IGDCC3: variants seen among roughly 807,000 people sequenced by gnomAD.
IGDCC3 encodes putative neuronal cell adhesion molecule.
Under a neutral mutation model 72.0 loss-of-function variants are expected in IGDCC3, and 47 were observed. The observed-to-expected ratio is 0.65, with a 90% CI of 0.52 to 0.83. The LOEUF (loss-of-function observed/expected upper bound fraction) is 0.83, where lower values mean the gene tolerates loss of function less well. IGDCC3 is among the 40% of genes least tolerant of loss of function. IGDCC3 has a pLI of 0.00. For missense variants in IGDCC3, 1,038 were observed against 1,091.3 expected (o/e 0.95, Z 0.69); for synonymous variants, 477 against 472.8 (o/e 1.01, Z -0.11).
chr15:65,329,569 G>C lies in IGDCC3; in HGVS notation c.2026C>G (p.Gln676Glu), dbSNP rs1567059329. 1.2e-6 allele frequency: 2 copies of C among 1,612,018 alleles called. No homozygotes were observed. Among genetic ancestry groups the C allele is most frequent in the Non-Finnish European group, 1.7e-6 (2 of 1,179,522 alleles). Residue 676 changes from glutamine (Q) to glutamate (E), a missense_variant, in exon 13 of 14, where the codon CAG becomes GAG. Gln to Glu is a conservative substitution (Grantham distance 29, BLOSUM62 2). Transcript: ENST00000327987. The surrounding 1 kb of genome is among the most constrained non-coding windows in gnomAD (Gnocchi z 4.1). The stretch of plus-strand genomic sequence containing the variant: ...CGGGGACCCTGTGGAGGGGACAGCT[G>C]GTTTTCCACATCTTTACACAGGAGG... ...RVLLCKDVEN[Q>E]LSPPQGPRSQ... is the part of the protein sequence containing the mutation.
rs745846106 is a variant in IGDCC3, at chr15:65,329,104, G to A, written c.2250C>T (p.Ser750=). Residue 750 remains serine, a synonymous_variant, in exon 14 of 14, where the codon TCC becomes TCT. Coordinates refer to ENST00000327987, the MANE Select transcript of IGDCC3 (RefSeq NM_004884.4). The surrounding 1 kb of genome is among the most constrained non-coding windows in gnomAD (Gnocchi z 4.1). Reference sequence around the variant, plus strand: ...GGCCGCACCCCTGAAGTGGCAGCACGGAGAGCTGGGTCTCCTCACACGGAG... The same window carrying A: ...GGCCGCACCCCTGAAGTGGCAGCACAGAGAGCTGGGTCTCCTCACACGGAG... ...APAPCEETQL[S]VLPLQGCGLM... is the part of the protein sequence containing the mutation. 8 of 1,610,126 alleles carry A rather than the reference G, an allele frequency of 5.0e-6. No individual in the cohort carries two copies. Among genetic ancestry groups the A allele is most frequent in the Admixed American group, 3.4e-5 (2 of 59,318 alleles).
At chr15:65,346,322 A>AGG (rs2091123516) in intron 2 of IGDCC3, among the ~76,000 whole-genome samples, 1 of 152,246 alleles carries the variant, frequency 6.6e-6, no homozygotes, top group African/African-American at 2.4e-5. Flanking sequence ...GTGGGCCTGC[A>AGG]GGTCTATGCC....
chr15:65,361,423 A>G (rs2091260377), intron 2 of IGDCC3, among the ~76,000 whole-genome samples: 2 of 151,588 alleles, frequency 1.3e-5, no homozygotes, highest in East Asian at 1.9e-4. Context: ...ACCAGGATCA[A>G]CCAGGATGAC....
At chr15:65,371,572 T>C (rs2091325961) in intron 2 of IGDCC3, among the ~76,000 whole-genome samples, 1 of 152,226 alleles carries the variant, frequency 6.6e-6, no homozygotes, top group South Asian at 2.1e-4. Flanking sequence ...GAATTATGAA[T>C]TCAAAATCTC....
chr15:65,337,752 G>A (rs917940022), intron 2 of IGDCC3, among the ~76,000 whole-genome samples: 3 of 152,130 alleles, frequency 2.0e-5, no homozygotes, highest in African/African-American at 7.2e-5. Flanking sequence ...AGTGGAGAGG[G>A]CACCCAGGCT....
chr15:65,376,934 G>T (rs932619619), intron 1 of IGDCC3, among the ~76,000 whole-genome samples: 17 of 152,114 alleles, frequency 1.1e-4, no homozygotes, highest in African/African-American at 3.9e-4. Flanking sequence ...GGTGGTGACC[G>T]AGCTCCAGGC....
chr15:65,365,558 G>A (rs780524307), intron 2 of IGDCC3, among the ~76,000 whole-genome samples: 3 of 152,108 alleles, frequency 2.0e-5, no homozygotes, highest in Non-Finnish European at 2.9e-5. Context: ...TGGGCCCAGG[G>A]TTCTCAGATT....
chr15:65,364,345 G>A (rs955977064), intron 2 of IGDCC3, among the ~76,000 whole-genome samples: 1 of 152,202 alleles, frequency 6.6e-6, no homozygotes, highest in Non-Finnish European at 1.5e-5. Context: ...TAATGGAATT[G>A]TGGGAATTAA....
At position 65,330,361 on chromosome 15, in the gene IGDCC3, T is replaced by C; in HGVS notation, c.1790A>G (p.Tyr597Cys). Residue 597 changes from tyrosine (Y) to cysteine (C), a missense_variant, in exon 11 of 14, where the codon TAC becomes TGC. By Grantham distance (194) the Tyr-to-Cys change is radical. Coordinates refer to ENST00000327987, the MANE Select transcript of IGDCC3 (RefSeq NM_004884.4). ...TAVYEVKLLAYNQHGDGNATV... is the reference protein window; with the variant it reads ...TAVYEVKLLACNQHGDGNATV... ...GGCATTGCCATCTCCATGCTGGTTG[T>C]AGGCGAGCAGCTTCACCTCATACAC... is the stretch of plus-strand genomic sequence containing the variant. The C allele has an allele frequency of 6.2e-7, 1 of 1,614,120 alleles. No individual in the cohort carries two copies. Among genetic ancestry groups the C allele is most frequent in the South Asian group, 1.1e-5 (1 of 91,078 alleles).
At chr15:65,357,636 G>C (rs1320407427) in intron 2 of IGDCC3, among the ~76,000 whole-genome samples, 1 of 152,224 alleles carries the variant, frequency 6.6e-6, no homozygotes, top group Non-Finnish European at 1.5e-5. Flanking sequence ...ACACTACCAA[G>C]CACTAGTAGT....
chr15:65,330,875 C>A, intron 9 of IGDCC3, 134 bp from the exon 10 acceptor site: 2 of 1,071,962 alleles, frequency 1.9e-6, no homozygotes, highest in African/African-American at 1.6e-5. Flanking sequence ...CTTATGAAAG[C>A]AGCACCTTCC....
chr15:65,368,789 C>T (rs2091305209), intron 2 of IGDCC3, among the ~76,000 whole-genome samples: 1 of 152,084 alleles, frequency 6.6e-6, no homozygotes, highest in Admixed American at 6.5e-5. Context: ...TTATATTCCC[C>T]TGCCCATCCT....
intron 2 of IGDCC3, among the ~76,000 whole-genome samples, chr15:65,359,871 G>C (rs1369025059): frequency 1.3e-5 from 2 of 152,146 alleles, no homozygotes; most frequent in Non-Finnish European, 2.9e-5. Context: ...GGCCTTTCAG[G>C]AGTAATATCT....
rs565749003 is a variant in IGDCC3 at position 65,373,290 on chromosome 15, C to A, written c.409+1807G>T. 5.6e-4 allele frequency among the ~76,000 whole-genome samples: 86 copies of A among 152,258 alleles called. 1 individual carries two copies. In the South Asian group the frequency reaches 0.017, roughly 31 times the overall value. On this transcript the variant is annotated intron_variant, in intron 2 of 13. Transcript: ENST00000327987. ...TCTGCAAATCTTACCGGGGTCCCCA[C>A]CCTCTGTCCACGCTTCCCTTCCTCA...
Position 65,377,270 on chromosome 15 carries a change from C to A in IGDCC3, c.103+416G>T, listed in dbSNP as rs1246661323. On this transcript the variant is annotated intron_variant, in intron 1 of 13. Coordinates refer to ENST00000327987, the MANE Select transcript of IGDCC3 (RefSeq NM_004884.4). This position sits in a 1 kb window ranked among gnomAD's most constrained non-coding sequence, Gnocchi z 4.9. ...GTCCCGGTCTCCGCTCCCCAGGCTG[C>A]TGTCCCCTGTCTTGGCTGCCTCGGG... Among the ~76,000 whole-genome samples, 1 of 152,194 alleles carries A rather than the reference C, an allele frequency of 6.6e-6. No homozygotes were observed. Among genetic ancestry groups the A allele is most frequent in the East Asian group, 1.9e-4 (1 of 5,188 alleles).
At chr15:65,359,934 G>A (rs989174996) in intron 2 of IGDCC3, among the ~76,000 whole-genome samples, 1 of 152,200 alleles carries the variant, frequency 6.6e-6, no homozygotes, top group Admixed American at 6.5e-5. Flanking sequence ...TATTGGGGGC[G>A]AGTGACCCAC....
At chr15:65,373,462 C>T (rs778780363) in intron 2 of IGDCC3, 5 of 152,412 alleles carry the variant, frequency 3.3e-5, no homozygotes, top group Non-Finnish European at 7.3e-5. Flanking sequence ...CTGGATCTGC[C>T]TTCCTCAGAA....
intron 2 of IGDCC3, among the ~76,000 whole-genome samples, chr15:65,366,303 C>A (rs1595764579): frequency 6.6e-6 from 1 of 151,394 alleles, no homozygotes; most frequent in East Asian, 1.9e-4. Flanking sequence ...CTCTTGAGCC[C>A]AGGATTTCAA....
intron 2 of IGDCC3, among the ~76,000 whole-genome samples, chr15:65,372,057 G>C (rs1013438129): frequency 3.2e-4 from 49 of 152,210 alleles, no homozygotes; most frequent in African/African-American, 1.1e-3. Flanking sequence ...GCAGAATCAG[G>C]CAGTTTGCTT....
Sources: gnomAD v4.1 joint callset for allele counts (sites outside exome capture counted in the v4.1 genomes callset) on GRCh38, gnomAD v4.1.1 for gene constraint, Gnocchi (gnomAD v3.1) non-coding constraint, MANE v1.5 for transcripts, NCBI Gene and HGNC (gene_info 2026-07-23, HGNC 2026-07-21) for gene names.